Variants in PPP1R16B observed in about 807,000 individuals in gnomAD.
PPP1R16B encodes protein phosphatase 1 regulatory subunit 16B, also known as protein phosphatase 1 regulatory inhibitor subunit 16B.
PPP1R16B carries 14 observed loss-of-function variants against 61.7 expected under a neutral mutation model. That is an observed-to-expected ratio of 0.23 (90% CI 0.15 to 0.35). The LOEUF (loss-of-function observed/expected upper bound fraction) is 0.35, where lower values mean the gene tolerates loss of function less well. Ranked by LOEUF, PPP1R16B falls within the 10% of genes least tolerant of loss-of-function variation. PPP1R16B has a pLI of 1.00. For synonymous variants in PPP1R16B, 266 were observed against 305.3 expected, an observed-to-expected ratio of 0.87 and a Z score of 1.34; for missense variants, 547 against 752.5, an observed-to-expected ratio of 0.73 and a Z score of 3.19.
In PPP1R16B at chr20:38,844,873, G is replaced by GAGACTATTTA. The variant is rs1274001448; in HGVS notation, c.250+8699_250+8700insGACTATTTAA. Among the ~76,000 whole-genome samples, 3 of 152,162 alleles carry GAGACTATTTA rather than the reference G, an allele frequency of 2.0e-5. No individual in the cohort carries two copies. The East Asian group carries it at 5.8e-4, about 29-fold the overall frequency. ...AATTATTTTGATGTTTTAATACCCT[G>GAGACTATTTA]AAAGAGTCTAGAGACCACTTTGAGA... is the stretch of plus-strand genomic sequence containing the variant. On this transcript the variant is annotated intron_variant, in intron 2 of 10. Coordinates refer to ENST00000299824, the MANE Select transcript of PPP1R16B (RefSeq NM_015568.4).
intron 2 of PPP1R16B, among the ~76,000 whole-genome samples, chr20:38,852,022 G>A (rs1009960133): frequency 6.6e-6 from 1 of 152,210 alleles, no homozygotes; most frequent in African/African-American, 2.4e-5. Context: ...GACAGAGCAA[G>A]GCCCTGTATC....
intron 2 of PPP1R16B, among the ~76,000 whole-genome samples, chr20:38,888,908 C>T (rs1008293860): frequency 2.6e-5 from 4 of 151,490 alleles, no homozygotes; most frequent in Non-Finnish European, 1.5e-5. Flanking sequence ...CACACACACA[C>T]ACACACACAC....
chr20:38,862,582 T>C (rs969066656), intron 2 of PPP1R16B, among the ~76,000 whole-genome samples: 1 of 152,222 alleles, frequency 6.6e-6, no homozygotes, highest in East Asian at 1.9e-4. Flanking sequence ...AAAATCACTG[T>C]CTGACCCTTT....
chr20:38,841,353 G>GA (rs34203271), intron 2 of PPP1R16B, among the ~76,000 whole-genome samples: 490 of 42,528 alleles, frequency 0.012, 50 homozygotes, highest in African/African-American at 0.023. Flanking sequence ...TGTCTGTACT[G>GA]AAAAAAAAAA....
chr20:38,852,147 T>G (rs2084973363), intron 2 of PPP1R16B, among the ~76,000 whole-genome samples: 1 of 152,224 alleles, frequency 6.6e-6, no homozygotes, highest in East Asian at 1.9e-4. Flanking sequence ...GAGGACACTG[T>G]GAGCAACAAC....
intron 10 of PPP1R16B, among the ~76,000 whole-genome samples, chr20:38,916,478 G>A (rs1401053153): frequency 6.6e-6 from 1 of 150,872 alleles, no homozygotes; most frequent in African/African-American, 2.4e-5. Flanking sequence ...ATCTTTCCAT[G>A]CCAGCTTGTG....
intron 2 of PPP1R16B, among the ~76,000 whole-genome samples, chr20:38,851,300 A>G (rs1363260219): frequency 6.6e-6 from 1 of 152,066 alleles, no homozygotes; most frequent in Non-Finnish European, 1.5e-5. Flanking sequence ...CCTAGTCTCT[A>G]CTAAAAATAC....
chr20:38,889,736 C>T (rs1252152996), intron 3 of PPP1R16B, 71 bp downstream of exon 3: 5 of 1,446,170 alleles, frequency 3.5e-6, no homozygotes, highest in East Asian at 2.3e-5. Flanking sequence ...TTTCTCGGCA[C>T]TTTCCTGCTC....
Position 38,889,624 on chromosome 20 carries a change from C to G in PPP1R16B, c.280C>G (p.Pro94Ala). 6.2e-7 allele frequency: 1 copy of G among 1,600,172 alleles called. No individual in the cohort carries two copies. The highest frequency in any genetic ancestry group is 8.6e-7 in the Non-Finnish European group (1 of 1,167,228). The change falls in exon 3 of 11, where the codon CCT becomes GCT. Residue 94 changes from proline to alanine, a missense_variant. By Grantham distance (27) the Pro-to-Ala change is conservative. Coordinates refer to ENST00000299824, the MANE Select transcript of PPP1R16B (RefSeq NM_015568.4). ...CTACTTCCTGAAGAATAAGGTCAGCCCTGATTTGTGCAATGAGGACGGACT... is the reference window on the plus strand; with the variant it reads ...CTACTTCCTGAAGAATAAGGTCAGCGCTGATTTGTGCAATGAGGACGGACT... Reference protein sequence around the residue: ...VRYFLKNKVSPDLCNEDGLTA... With the variant: ...VRYFLKNKVSADLCNEDGLTA...
At chr20:38,872,987 C>T (rs2085140782) in intron 2 of PPP1R16B, 2 of 152,244 alleles carry the variant, frequency 1.3e-5, no homozygotes, top group Admixed American at 1.3e-4. Flanking sequence ...GTCAAAACTC[C>T]CCTGCTGATC....
intron 2 of PPP1R16B, among the ~76,000 whole-genome samples, chr20:38,868,796 G>A (rs1460394591): frequency 6.6e-6 from 1 of 152,210 alleles, no homozygotes; most frequent in Non-Finnish European, 1.5e-5. Flanking sequence ...TTTGATGGCA[G>A]GAGCAGATTT....
chr20:38,830,944 A>G (rs941516229), intron 1 of PPP1R16B, among the ~76,000 whole-genome samples: 2 of 152,192 alleles, frequency 1.3e-5, no homozygotes, highest in African/African-American at 4.8e-5. Context: ...GGTACCTTCC[A>G]CTCAGAGGTG....
At chr20:38,810,549 G>T (rs1207934508) in intron 1 of PPP1R16B, among the ~76,000 whole-genome samples, 6 of 152,162 alleles carry the variant, frequency 3.9e-5, no homozygotes, top group African/African-American at 1.4e-4. Flanking sequence ...CTCTTCCTGA[G>T]ATGCTTTTCC....
intron 6 of PPP1R16B, among the ~76,000 whole-genome samples, chr20:38,903,587 A>ATCCG (rs1568682736): frequency 2.7e-5 from 4 of 146,392 alleles, no homozygotes; most frequent in African/African-American, 1.1e-4. Flanking sequence ...CCGTCCATCC[A>ATCCG]TCCATCCATC....
chr20:38,826,329 G>A (rs185901572), intron 1 of PPP1R16B, among the ~76,000 whole-genome samples: 75 of 152,306 alleles, frequency 4.9e-4, no homozygotes, highest in African/African-American at 1.6e-3. Flanking sequence ...GTTTAGCACC[G>A]TGACTGTGAC....
rs1050958078 is a variant in PPP1R16B at position 38,836,016 on chromosome 20, G to C, written c.91G>C (p.Ala31Pro). The change falls in exon 2 of 11, where the codon GCC becomes CCC. Residue 31 changes from alanine to proline, a missense_variant. Ala to Pro is a conservative substitution (Grantham distance 27). Transcript: ENST00000299824. ...GCTGCGGGCTGCCCAGAAGCGCCGG[G>C]CCCAGCAGCTGAAGAAATGGGCACA... ...ERLRAAQKRRAQQLKKWAQYE... is the reference protein window; with the variant it reads ...ERLRAAQKRRPQQLKKWAQYE... 2.5e-6 allele frequency: 4 copies of C among 1,590,278 alleles called. No individual in the cohort carries two copies. The highest frequency in any genetic ancestry group is 1.3e-5 in the African/African-American group (1 of 74,390).
chr20:38,806,944 T>C lies in PPP1R16B; in HGVS notation c.-102+1152T>C, dbSNP rs577468067. Among the ~76,000 whole-genome samples, 72 of 152,304 alleles carry C rather than the reference T, an allele frequency of 4.7e-4. No homozygotes were observed. Among genetic ancestry groups the C allele is most frequent in the African/African-American group, 1.6e-3 (65 of 41,582 alleles). On this transcript the variant is annotated intron_variant, in intron 1 of 10. Coordinates refer to ENST00000299824, the MANE Select transcript of PPP1R16B (RefSeq NM_015568.4). The surrounding 1 kb of genome is among the most constrained non-coding windows in gnomAD (Gnocchi z 4.5). ...TCTAGGAACCGAAAACCGAGCTGCC[T>C]GCGCGCCCATGTGATTGCATTTCAC...
chr20:38,902,841 G>A, intron 6 of PPP1R16B, 49 bp downstream of exon 6: 1 of 1,612,100 alleles, frequency 6.2e-7, no homozygotes. Flanking sequence ...GGTCCGAAGT[G>A]GGCCAGCACC....
At position 38,895,688 on chromosome 20, in the gene PPP1R16B, C is replaced by T. The variant is rs752930397; in HGVS notation, c.445C>T (p.Leu149=). 1.2e-6 allele frequency: 2 copies of T among 1,614,138 alleles called. No individual in the cohort carries two copies. Among genetic ancestry groups the T allele is most frequent in the South Asian group, 1.1e-5 (1 of 91,080 alleles). The part of the protein sequence containing the change: ...HAAATCGHIN[L]VKILVQYGAD... ...TGCAGCCACCTGCGGCCACATCAACCTGGTGAAGATCCTCGTTCAGTAGTA... is the reference window on the plus strand; with the variant it reads ...TGCAGCCACCTGCGGCCACATCAACTTGGTGAAGATCCTCGTTCAGTAGTA... The change falls in exon 4 of 11, where the codon CTG becomes TTG. Residue 149 remains leucine (L), a synonymous_variant. Coordinates refer to ENST00000299824, the MANE Select transcript of PPP1R16B (RefSeq NM_015568.4).
Sources: gnomAD v4.1 joint callset for allele counts (sites outside exome capture counted in the v4.1 genomes callset) on GRCh38, gnomAD v4.1.1 for gene constraint, Gnocchi (gnomAD v3.1) non-coding constraint, MANE v1.5 for transcripts, NCBI Gene and HGNC (gene_info 2026-07-23, HGNC 2026-07-21) for gene names.